ITGB3BP: variants seen among roughly 807,000 people sequenced by gnomAD.
The protein encoded by ITGB3BP is integrin subunit beta 3 binding protein.
ITGB3BP carries 27 observed loss-of-function variants against 29.1 expected under a neutral mutation model. That is an observed-to-expected ratio of 0.93 (90% CI 0.68 to 1.28). The LOEUF (loss-of-function observed/expected upper bound fraction) is 1.28, where lower values mean the gene tolerates loss of function less well. ITGB3BP is among the 50% of genes most tolerant of loss of function. ITGB3BP has a pLI of 0.00. For missense variants in ITGB3BP, 192 were observed against 200.2 expected (o/e 0.96, Z 0.25); for synonymous variants, 61 against 61.4 (o/e 0.99, Z 0.03).
At chr1:63,492,186 GCT>G (rs1491577295) in intron 2 of ITGB3BP, among the ~76,000 whole-genome samples, 1 of 87,584 alleles carries the variant, frequency 1.1e-5, no homozygotes, top group Non-Finnish European at 2.2e-5. Flanking sequence ...GTGTGCATGT[GCT>G]CTGTGTGTGT....
At chr1:63,474,833 A>G (rs1245806843) in intron 4 of ITGB3BP, among the ~76,000 whole-genome samples, 1 of 151,308 alleles carries the variant, frequency 6.6e-6, no homozygotes, top group African/African-American at 2.4e-5. Flanking sequence ...TCCCTCCACT[A>G]TTGTCCTATG....
chr1:63,506,411 T>G (rs1442441469), intron 2 of ITGB3BP, among the ~76,000 whole-genome samples: 1 of 152,096 alleles, frequency 6.6e-6, no homozygotes, highest in African/African-American at 2.4e-5. Context: ...AAACCCCTGA[T>G]AAAACCATCA....
At chr1:63,455,745 C>T (rs905513712) in intron 4 of ITGB3BP, among the ~76,000 whole-genome samples, 9 of 152,020 alleles carry the variant, frequency 5.9e-5, no homozygotes, top group Admixed American at 5.9e-4. Context: ...GTTGCTTTTC[C>T]AATTTTAAGA....
intron 2 of ITGB3BP, among the ~76,000 whole-genome samples, chr1:63,493,875 C>CACTATATTGAAT (rs1645722657): frequency 2.6e-5 from 4 of 152,180 alleles, no homozygotes; most frequent in Non-Finnish European, 4.4e-5. Context: ...CTATTTTGAA[C>CACTATATTGAAT]TGTCAGCCTA....
intron 4 of ITGB3BP, among the ~76,000 whole-genome samples, chr1:63,470,174 C>A (rs1056918508): frequency 6.6e-6 from 1 of 152,136 alleles, no homozygotes; most frequent in Non-Finnish European, 1.5e-5. Flanking sequence ...AATCTCTGTT[C>A]AGGGCTCTCA....
intron 4 of ITGB3BP, among the ~76,000 whole-genome samples, chr1:63,470,112 A>G (rs1457608401): frequency 6.6e-6 from 1 of 152,222 alleles, no homozygotes; most frequent in Non-Finnish European, 1.5e-5. Context: ...TTAATTTAAT[A>G]TCTATAGAAA....
chr1:63,514,580 T>A (rs1478802891), intron 1 of ITGB3BP, among the ~76,000 whole-genome samples: 1 of 152,182 alleles, frequency 6.6e-6, no homozygotes, highest in Non-Finnish European at 1.5e-5. Flanking sequence ...TAAGAGTTCT[T>A]TCTTATCCTA....
At chr1:63,457,116 C>T (rs1644946310) in intron 4 of ITGB3BP, 1 of 152,184 alleles carries the variant, frequency 6.6e-6, no homozygotes, top group South Asian at 2.1e-4. Flanking sequence ...TCCTTTTCTT[C>T]TCCCTAGACG....
intron 2 of ITGB3BP, among the ~76,000 whole-genome samples, chr1:63,494,665 G>A (rs1409456903): frequency 2.6e-5 from 4 of 152,084 alleles, no homozygotes; most frequent in Non-Finnish European, 5.9e-5. Context: ...ATTTCACCCT[G>A]ACAAGAAAAA....
intron 1 of ITGB3BP, among the ~76,000 whole-genome samples, chr1:63,512,540 A>G (rs1646223034): frequency 6.6e-6 from 1 of 152,152 alleles, no homozygotes; most frequent in Non-Finnish European, 1.5e-5. Flanking sequence ...GAATAACAGG[A>G]CTGAGGGGAA....
At chr1:63,512,910 G>T (rs949874966) in intron 1 of ITGB3BP, among the ~76,000 whole-genome samples, 2 of 152,076 alleles carry the variant, frequency 1.3e-5, no homozygotes, top group African/African-American at 2.4e-5. Context: ...TAAACCTTTT[G>T]TTTTCCTTGA....
At chr1:63,493,077 C>CACAT (rs1553164226) in intron 2 of ITGB3BP, among the ~76,000 whole-genome samples, 13 of 144,148 alleles carry the variant, frequency 9.0e-5, no homozygotes, top group African/African-American at 2.7e-4. Context: ...ACACCACACA[C>CACAT]ACACACACAC....
At chr1:63,518,855 T>G (rs1336963382) in intron 1 of ITGB3BP, among the ~76,000 whole-genome samples, 1 of 152,156 alleles carries the variant, frequency 6.6e-6, no homozygotes, top group Non-Finnish European at 1.5e-5. Flanking sequence ...CCTCTATTTG[T>G]TTTTTAGGTA....
In ITGB3BP at chr1:63,490,167, G is replaced by T. The variant is rs767437048; in HGVS notation, c.100C>A (p.Pro34Thr). 6.3e-7 allele frequency: 1 copy of T among 1,598,718 alleles called. No homozygotes were observed. The highest frequency in any genetic ancestry group is 8.6e-7 in the Non-Finnish European group (1 of 1,167,012). Residue 34 changes from proline to threonine, a missense_variant, in exon 3 of 9, where the codon CCA becomes ACA. Transcript: ENST00000271002. ...TRKKSVITYS[P>T]TTGTCQMSLF... ...CTCATTTGACAAGTTCCAGTTGTTG[G>T]AGAATAAGTTATAACACTTTTCTTC...
chr1:63,456,869 G>A (rs1349067142), intron 4 of ITGB3BP, among the ~76,000 whole-genome samples: 1 of 152,158 alleles, frequency 6.6e-6, no homozygotes, highest in East Asian at 1.9e-4. Context: ...CCTACTAGCA[G>A]CTCTCCTAAA....
intron 2 of ITGB3BP, among the ~76,000 whole-genome samples, chr1:63,499,566 C>A (rs779392904): frequency 6.6e-6 from 1 of 152,078 alleles, no homozygotes; most frequent in Non-Finnish European, 1.5e-5. Flanking sequence ...ACATTACAGA[C>A]CCAAATCCCT....
intron 8 of ITGB3BP, among the ~76,000 whole-genome samples, chr1:63,444,846 ATTCTGG>A (rs1226772439): frequency 5.9e-5 from 9 of 151,972 alleles, no homozygotes; most frequent in Non-Finnish European, 4.4e-5. Flanking sequence ...GTTTTAGGTG[ATTCTGG>A]GACAAGGTAC....
chr1:63,518,339 G>A (rs908366358), intron 1 of ITGB3BP, among the ~76,000 whole-genome samples: 3 of 152,024 alleles, frequency 2.0e-5, no homozygotes, highest in African/African-American at 7.2e-5. Context: ...ATGCCATCAT[G>A]CTAAGTTGTA....
At chr1:63,470,995 T>C (rs1645185909) in intron 4 of ITGB3BP, among the ~76,000 whole-genome samples, 1 of 152,182 alleles carries the variant, frequency 6.6e-6, no homozygotes, top group South Asian at 2.1e-4. Flanking sequence ...GGTTTTAATT[T>C]GCATTTTCCC....
Sources: gnomAD v4.1 joint callset for allele counts (sites outside exome capture counted in the v4.1 genomes callset) on GRCh38, gnomAD v4.1.1 for gene constraint, MANE v1.5 for transcripts, NCBI Gene and HGNC (gene_info 2026-07-23, HGNC 2026-07-21) for gene names.